Variants in MMP26 observed in about 807,000 individuals in gnomAD.
The protein encoded by MMP26 is matrix metallopeptidase 26.
In MMP26, 33 loss-of-function variants were observed where a neutral mutation model predicts 31.0. The observed-to-expected ratio is 1.06, with a 90% CI of 0.81 to 1.42. The LOEUF (loss-of-function observed/expected upper bound fraction) is 1.42, where lower values mean the gene tolerates loss of function less well. MMP26 is among the 40% of genes most tolerant of loss of function. The pLI is 0.00. For missense variants in MMP26, 347 were observed against 316.1 expected (o/e 1.10, Z -0.74); for synonymous variants, 122 against 114.9 (o/e 1.06, Z -0.40).
Position 4,988,315 on chromosome 11 carries a change from G to C in MMP26, c.99+5G>C. Reference sequence around the variant, plus strand: ...AAAGGATGGGACTTTGTTGAGGTAGGTGAACGACTCAGGACCACATTATTA... The same window carrying C: ...AAAGGATGGGACTTTGTTGAGGTAGCTGAACGACTCAGGACCACATTATTA... On this transcript the variant is annotated splice_donor_5th_base_variant and intron_variant, in intron 3 of 7. Coordinates refer to ENST00000380390, the MANE Select transcript of MMP26 (RefSeq NM_021801.5). 6.2e-7 allele frequency: 1 copy of C among 1,612,882 alleles called. No individual in the cohort carries two copies. Among genetic ancestry groups the C allele is most frequent in the Non-Finnish European group, 8.5e-7 (1 of 1,178,886 alleles).
chr11:4,856,315 T>A (rs1850052608), intron 2 of MMP26, among the ~76,000 whole-genome samples: 1 of 152,180 alleles, frequency 6.6e-6, no homozygotes, highest in African/African-American at 2.4e-5. Flanking sequence ...GTGTGCTGTA[T>A]TCAGGAGACC....
chr11:4,912,945 A>G (rs1477401438), intron 2 of MMP26: 1 of 147,486 alleles, frequency 6.8e-6, no homozygotes, highest in Non-Finnish European at 1.5e-5. Context: ...TTCAAATTGG[A>G]AAAGAAAAAA....
At position 4,970,926 on chromosome 11, in the gene MMP26, C is replaced by T. The variant is rs571400688; in HGVS notation, c.-144-17142C>T. 1.7e-3 allele frequency among the ~76,000 whole-genome samples: 263 copies of T among 152,140 alleles called. 1 individual carries two copies. Among genetic ancestry groups the T allele is most frequent in the African/African-American group, 6.2e-3 (259 of 41,494 alleles). ...AATGGTGCCATGATGCAACAGCATG[C>T]GGCCTGGGGTGAAGGGAGTGAATAG... On this transcript the variant is annotated intron_variant, in intron 2 of 7. Coordinates refer to ENST00000380390, the MANE Select transcript of MMP26 (RefSeq NM_021801.5).
At chr11:4,755,818 A>G (rs1439505746) in intron 1 of MMP26, among the ~76,000 whole-genome samples, 1 of 152,042 alleles carries the variant, frequency 6.6e-6, no homozygotes, top group Non-Finnish European at 1.5e-5. Context: ...AAAAAAAATA[A>G]AAACTGAAGA....
chr11:4,915,828 T>G (rs1851080234), intron 2 of MMP26: 1 of 522,132 alleles, frequency 1.9e-6, no homozygotes, highest in Non-Finnish European at 3.4e-6. Context: ...GGTCCTTGAC[T>G]TCCTCTCAGT....
chr11:4,753,334 TTGTC>T (rs367825599), intron 1 of MMP26, among the ~76,000 whole-genome samples: 57 of 152,306 alleles, frequency 3.7e-4, no homozygotes, highest in African/African-American at 1.2e-3. Context: ...ATTCAGTATT[TTGTC>T]TGTGAGATTA....
intron 2 of MMP26, among the ~76,000 whole-genome samples, chr11:4,887,442 C>A (rs1850559790): frequency 6.6e-6 from 1 of 152,132 alleles, no homozygotes; most frequent in Non-Finnish European, 1.5e-5. Context: ...TCATTTCCAT[C>A]AAGTACAGAT....
intron 2 of MMP26, among the ~76,000 whole-genome samples, chr11:4,966,581 T>A (rs954174894): frequency 1.3e-5 from 2 of 152,220 alleles, no homozygotes; most frequent in Non-Finnish European, 2.9e-5. Context: ...CAGAGATGGC[T>A]GAGTAGAACT....
intron 1 of MMP26, among the ~76,000 whole-genome samples, chr11:4,737,718 C>G (rs1848260445): frequency 6.9e-6 from 1 of 145,848 alleles, no homozygotes; most frequent in Admixed American, 6.7e-5. Flanking sequence ...CACTTTGACC[C>G]TAAGTCAGTT....
chr11:4,784,181 A>G (rs1384897848), intron 2 of MMP26, among the ~76,000 whole-genome samples: 3 of 152,268 alleles, frequency 2.0e-5, no homozygotes, highest in African/African-American at 7.2e-5. Context: ...GGCAGTTAAT[A>G]ATGGTTGTTG....
At chr11:4,724,911 T>C (rs191835530) in intron 1 of MMP26, among the ~76,000 whole-genome samples, 379 of 152,356 alleles carry the variant, frequency 2.5e-3, no homozygotes, top group African/African-American at 7.7e-3. Flanking sequence ...TGGATCTGTG[T>C]TCCTGCCTAA....
chr11:4,927,086 G>A (rs972404486), intron 2 of MMP26, among the ~76,000 whole-genome samples: 8 of 152,082 alleles, frequency 5.3e-5, no homozygotes, highest in East Asian at 3.9e-4. Context: ...TGAAATAAAT[G>A]AATGTCATCC....
chr11:4,738,510 TG>T (rs1848271362), intron 1 of MMP26, among the ~76,000 whole-genome samples: 1 of 152,144 alleles, frequency 6.6e-6, no homozygotes, highest in Admixed American at 6.5e-5. Flanking sequence ...TACAGGGCCT[TG>T]TGATAAAGAA....
Position 4,952,651 on chromosome 11 carries a change from C to A in MMP26, c.-144-35417C>A, listed in dbSNP as rs1471941014. ...AGTATCAGAGATTAGGTTTGAATCC[C>A]AGCTTTTGATTTCCTCTCTGTGTGA... On this transcript the variant is annotated intron_variant, in intron 2 of 7. Coordinates refer to ENST00000380390, the MANE Select transcript of MMP26 (RefSeq NM_021801.5). Among the ~76,000 whole-genome samples the A allele has an allele frequency of 2.4e-5, 3 of 124,848 alleles. 1 individual carries two copies. The highest frequency in any genetic ancestry group is 5.4e-5 in the Non-Finnish European group (3 of 55,098). 81.9% of individuals were successfully genotyped at this position (124,848 alleles called of 152,430 possible). A position where few individuals can be genotyped will look rare whatever the true frequency, so the allele number is the denominator to read the frequency against.
chr11:4,786,497 T>TATTTTTA (rs768940060), intron 2 of MMP26, among the ~76,000 whole-genome samples: 89 of 98,666 alleles, frequency 9.0e-4, no homozygotes, highest in Non-Finnish European at 1.1e-3. Flanking sequence ...CTGATCCTTT[T>TATTTTTA]TTTTTTTTTT....
intron 2 of MMP26, among the ~76,000 whole-genome samples, chr11:4,828,633 G>A (rs1214991163): frequency 6.6e-6 from 1 of 152,092 alleles, no homozygotes; most frequent in Non-Finnish European, 1.5e-5. Flanking sequence ...AAAGATTAAA[G>A]TTTGAATGAA....
intron 2 of MMP26, among the ~76,000 whole-genome samples, chr11:4,886,703 A>C (rs944767096): frequency 5.7e-5 from 5 of 88,396 alleles, no homozygotes; most frequent in African/African-American, 1.4e-4. Context: ...CTGACCCCAA[A>C]CAAGGATTAA....
At chr11:4,973,557 A>G (rs1469536024) in intron 2 of MMP26, 1 of 153,014 alleles carries the variant, frequency 6.5e-6, no homozygotes, top group African/African-American at 2.4e-5. Context: ...TCCATAGCTG[A>G]GAATCCATGG....
At chr11:4,710,112 T>C (rs1297448901) in intron 1 of MMP26, 1 of 456,810 alleles carries the variant, frequency 2.2e-6, no homozygotes, top group South Asian at 1.5e-5. Context: ...TTCCTACTGC[T>C]TCCACCCTGA....
Sources: gnomAD v4.1 joint callset for allele counts (sites outside exome capture counted in the v4.1 genomes callset) on GRCh38, gnomAD v4.1.1 for gene constraint, MANE v1.5 for transcripts, NCBI Gene and HGNC (gene_info 2026-07-23, HGNC 2026-07-21) for gene names.